CHODL: variants seen among roughly 807,000 people sequenced by gnomAD.
CHODL encodes the protein transmembrane protein MT75.
In CHODL, 29 loss-of-function variants were observed where a neutral mutation model predicts 34.5. The observed-to-expected ratio is 0.84, with a 90% CI of 0.63 to 1.15. CHODL has a LOEUF of 1.15. Among genes scored for constraint, CHODL ranks in the 50% most tolerant of loss-of-function variants. The probability of loss-of-function intolerance (pLI) is 0.00; values close to 1 mark genes in which losing one functional copy is unlikely to be tolerated. For synonymous variants in CHODL, 125 were observed against 116.1 expected (o/e 1.08, Z -0.49); for missense variants, 332 against 332.5 (o/e 1.00, Z 0.01).
At chr21:18,250,425 C>T (rs1309049980) in intron 1 of CHODL, among the ~76,000 whole-genome samples, 5 of 151,866 alleles carry the variant, frequency 3.3e-5, no homozygotes, top group Non-Finnish European at 7.4e-5. Context: ...CCACAACCTA[C>T]ATTTATAAAC....
chr21:18,055,797 G>C (rs904875428), intron 2 of CHODL, among the ~76,000 whole-genome samples: 3 of 152,000 alleles, frequency 2.0e-5, no homozygotes, highest in Admixed American at 2.0e-4. Context: ...CAGAACATAG[G>C]GGGAGAGTAG....
intron 2 of CHODL, among the ~76,000 whole-genome samples, chr21:18,140,083 G>C (rs1424293588): frequency 2.0e-5 from 3 of 152,116 alleles, no homozygotes; most frequent in Admixed American, 6.5e-5. Context: ...TCTTTTTCTT[G>C]CCTTCCCAGA....
intron 1 of CHODL, among the ~76,000 whole-genome samples, chr21:18,008,903 T>C (rs534377439): frequency 1.3e-5 from 2 of 152,166 alleles, no homozygotes; most frequent in Non-Finnish European, 2.9e-5. Flanking sequence ...GTCCCAGAAA[T>C]ACACTCTGAT....
At chr21:18,161,200 T>C (rs929440578) in intron 2 of CHODL, among the ~76,000 whole-genome samples, 1 of 152,208 alleles carries the variant, frequency 6.6e-6, no homozygotes, top group African/African-American at 2.4e-5. Context: ...GGTAAATTTG[T>C]TTAAGTTCCT....
chr21:18,060,920 A>G (rs938098236), intron 2 of CHODL, among the ~76,000 whole-genome samples: 1 of 152,204 alleles, frequency 6.6e-6, no homozygotes, highest in Non-Finnish European at 1.5e-5. Context: ...AACAACTACC[A>G]TAAATGAGTG....
At chr21:18,125,151 A>C (rs1046149249) in intron 2 of CHODL, among the ~76,000 whole-genome samples, 4 of 152,238 alleles carry the variant, frequency 2.6e-5, no homozygotes, top group Non-Finnish European at 5.9e-5. Flanking sequence ...TTTCTCTTTT[A>C]TGATAAACAA....
At chr21:18,190,288 C>T (rs1339368509) in intron 2 of CHODL, among the ~76,000 whole-genome samples, 1 of 152,130 alleles carries the variant, frequency 6.6e-6, no homozygotes, top group African/African-American at 2.4e-5. Context: ...ACAAGGGAAA[C>T]AACACAAATC....
intron 2 of CHODL, among the ~76,000 whole-genome samples, chr21:18,077,455 A>T (rs971879990): frequency 1.3e-5 from 2 of 152,148 alleles, no homozygotes; most frequent in Admixed American, 1.3e-4. Context: ...GGATTGAAGG[A>T]TATAAATTTT....
chr21:18,061,289 G>A (rs2064661405), intron 2 of CHODL, among the ~76,000 whole-genome samples: 1 of 152,142 alleles, frequency 6.6e-6, no homozygotes, highest in Non-Finnish European at 1.5e-5. Flanking sequence ...GGAAGTTCAG[G>A]ATGACTTTGA....
intron 1 of CHODL, among the ~76,000 whole-genome samples, chr21:17,938,405 T>TAA (rs2063333755): frequency 6.6e-6 from 1 of 150,422 alleles, no homozygotes; most frequent in South Asian, 2.1e-4. Context: ...TATATATATA[T>TAA]CTGTATATAG....
intron 1 of CHODL, among the ~76,000 whole-genome samples, chr21:17,985,088 T>C (rs1038069704): frequency 6.6e-6 from 1 of 152,158 alleles, no homozygotes; most frequent in East Asian, 1.9e-4. Context: ...AAAATTCTTA[T>C]TCAGATTTTG....
At chr21:18,228,142 C>T (rs879678332) in intron 2 of CHODL, among the ~76,000 whole-genome samples, 1 of 152,110 alleles carries the variant, frequency 6.6e-6, no homozygotes, top group Non-Finnish European at 1.5e-5. Context: ...TGTACTGCAT[C>T]AATATTTCAC....
rs1345323761 is a variant in CHODL at position 18,245,028 on chromosome 21, AC to A, written c.-195del. 4.1e-6 allele frequency: 2 copies of A among 483,746 alleles called. No homozygotes were observed. The highest frequency in any genetic ancestry group is 7.1e-6 in the Non-Finnish European group (2 of 280,090). The allele number at this position is 483,746 out of a possible 1,614,324, so 30.0% of individuals were successfully genotyped here. On this transcript the variant is annotated 5_prime_UTR_variant, in exon 1 of 6. Coordinates refer to ENST00000299295, the MANE Select transcript of CHODL (RefSeq NM_024944.3). ...TCTTGAACTCCAGCCCCGCACATCC[AC>A]GCGCGGCACAGGCGCGGCAGGCGGC...
At chr21:18,170,221 G>A (rs550227185) in intron 2 of CHODL, among the ~76,000 whole-genome samples, 1 of 151,600 alleles carries the variant, frequency 6.6e-6, no homozygotes, top group African/African-American at 2.4e-5. Flanking sequence ...AGCCTATTTC[G>A]ATATAAGTAT....
At chr21:18,249,357 A>G (rs2074207747) in intron 1 of CHODL, among the ~76,000 whole-genome samples, 1 of 151,492 alleles carries the variant, frequency 6.6e-6, no homozygotes, top group Non-Finnish European at 1.5e-5. Context: ...GTAATGTGGA[A>G]TGCATTCAAT....
At chr21:18,210,271 A>G (rs1426938410) in intron 2 of CHODL, among the ~76,000 whole-genome samples, 1 of 152,166 alleles carries the variant, frequency 6.6e-6, no homozygotes, top group African/African-American at 2.4e-5. Flanking sequence ...ACAGAGCAGC[A>G]CTGAGTTCCA....
chr21:17,933,241 T>C (rs998125161), intron 1 of CHODL, among the ~76,000 whole-genome samples: 5 of 152,180 alleles, frequency 3.3e-5, no homozygotes, highest in Non-Finnish European at 7.4e-5. Context: ...CTTCCTCTTA[T>C]ACTAATCCTC....
At chr21:18,116,480 T>C (rs1027070014) in intron 2 of CHODL, among the ~76,000 whole-genome samples, 3 of 152,254 alleles carry the variant, frequency 2.0e-5, no homozygotes, top group Non-Finnish European at 4.4e-5. Context: ...GCTATTATTC[T>C]AGTTCAAATC....
chr21:17,981,532 A>G (rs949501470), intron 1 of CHODL, among the ~76,000 whole-genome samples: 6 of 152,210 alleles, frequency 3.9e-5, no homozygotes, highest in Non-Finnish European at 7.3e-5. Context: ...TGCAAATGTC[A>G]GTTGTCCCAA....
Sources: gnomAD v4.1 joint callset for allele counts (sites outside exome capture counted in the v4.1 genomes callset) on GRCh38, gnomAD v4.1.1 for gene constraint, MANE v1.5 for transcripts, NCBI Gene and HGNC (gene_info 2026-07-23, HGNC 2026-07-21) for gene names.